MTMR6: variants seen among roughly 807,000 people sequenced by gnomAD.
MTMR6 encodes myotubularin related protein 6.
MTMR6 carries 47 observed loss-of-function variants against 80.1 expected under a neutral mutation model. The observed-to-expected ratio is 0.59, with a 90% CI of 0.46 to 0.75. MTMR6 has a LOEUF of 0.75. MTMR6 is among the 30% of genes least tolerant of loss of function. The pLI is 0.00. For missense variants in MTMR6, 629 were observed against 730.9 expected, an observed-to-expected ratio of 0.86 and a Z score of 1.61; for synonymous variants, 254 against 253.0, an observed-to-expected ratio of 1.00 and a Z score of -0.04.
intron 11 of MTMR6, among the ~76,000 whole-genome samples, chr13:25,252,383 C>T (rs930182636): frequency 1.1e-4 from 17 of 152,124 alleles, no homozygotes; most frequent in Non-Finnish European, 2.9e-5. Context: ...GCCGTAGTGG[C>T]GAGTATCATA....
Position 25,253,959 on chromosome 13 carries a change from C to G in MTMR6, c.1151G>C (p.Gly384Ala), listed in dbSNP as rs759133059. The G allele has an allele frequency of 1.5e-5, 25 of 1,614,046 alleles. No individual in the cohort carries two copies. Among genetic ancestry groups the G allele is most frequent in the Non-Finnish European group, 2.0e-5 (24 of 1,179,960 alleles). ...SFGHKFSERC[G>A]QLDGDPKEVS... is the part of the protein sequence containing the mutation. ...TTCCTTTGGGTCACCATCCAACTGG[C>G]CACACCTAACCCCACAGAAAGTATA... The change falls in exon 11 of 14, where the codon GGC becomes GCC. Residue 384 changes from glycine (G) to alanine (A), a missense_variant. Gly to Ala is a moderately conservative substitution (Grantham distance 60). Coordinates refer to ENST00000381801, the MANE Select transcript of MTMR6 (RefSeq NM_004685.5).
rs1392235881 is a variant in MTMR6, at chr13:25,257,864, T to C, written c.860-19A>G. The C allele has an allele frequency of 3.2e-6, 5 of 1,548,054 alleles. No homozygotes were observed. Among genetic ancestry groups the C allele is most frequent in the Non-Finnish European group, 3.6e-6 (4 of 1,124,856 alleles). On this transcript the variant is annotated intron_variant, in intron 7 of 13. Transcript: ENST00000381801. Reference sequence around the variant, plus strand: ...CCATTGACTGAAAGAGGTATAAAAATATTTCAATTAGAATATGGCTAGAGT... The same window carrying C: ...CCATTGACTGAAAGAGGTATAAAAACATTTCAATTAGAATATGGCTAGAGT...
chr13:25,251,421 TA>T lies in MTMR6; in HGVS notation c.1605+227del, dbSNP rs1414711984. On this transcript the variant is annotated intron_variant, in intron 13 of 13. Transcript: ENST00000381801. The surrounding 1 kb of genome is among the most constrained non-coding windows in gnomAD (Gnocchi z 4.1). ...AGCTGGTGGGTACACAGATAGTTAT[TA>T]TGTTTATCTATACGTTATGCTATAT... 6.6e-6 allele frequency among the ~76,000 whole-genome samples: 1 copy of T among 152,216 alleles called. No individual in the cohort carries two copies. The highest frequency in any genetic ancestry group is 1.5e-5 in the Non-Finnish European group (1 of 68,036).
At chr13:25,254,618 TA>T (rs977040909) in intron 9 of MTMR6, among the ~76,000 whole-genome samples, 184 bp from the exon 10 acceptor site, 1 of 152,160 alleles carries the variant, frequency 6.6e-6, no homozygotes, top group Non-Finnish European at 1.5e-5. Context: ...TAAAGAAGAA[TA>T]AAAATGCATA....
At chr13:25,282,655 G>A (rs568318415) in intron 1 of MTMR6, among the ~76,000 whole-genome samples, 1 of 149,604 alleles carries the variant, frequency 6.7e-6, no homozygotes, top group South Asian at 2.1e-4. Context: ...GACCCAGGCT[G>A]GATGCCGTGG....
At chr13:25,266,581 A>G (rs1957458597) in intron 3 of MTMR6, among the ~76,000 whole-genome samples, 1 of 152,254 alleles carries the variant, frequency 6.6e-6, no homozygotes, top group Admixed American at 6.5e-5. Context: ...GTAAAATGAT[A>G]AAGACACTAA....
intron 9 of MTMR6, 117 bp from the exon 10 acceptor site, chr13:25,254,551 A>G: frequency 2.8e-6 from 2 of 707,468 alleles, no homozygotes; most frequent in Non-Finnish European, 4.7e-6. Flanking sequence ...CTTATAAACA[A>G]AACAGCACAA....
intron 1 of MTMR6, among the ~76,000 whole-genome samples, chr13:25,276,771 T>C (rs1957737134): frequency 6.6e-6 from 1 of 152,226 alleles, no homozygotes; most frequent in African/African-American, 2.4e-5. Context: ...GTTCACACTG[T>C]CTGCTACACA....
At chr13:25,267,039 G>A (rs1265307283) in intron 3 of MTMR6, among the ~76,000 whole-genome samples, 1 of 152,090 alleles carries the variant, frequency 6.6e-6, no homozygotes, top group Non-Finnish European at 1.5e-5. Flanking sequence ...CACAAGGTCA[G>A]GAGTTCAAGA....
At chr13:25,273,259 T>C (rs1957623474) in intron 2 of MTMR6, among the ~76,000 whole-genome samples, 1 of 152,138 alleles carries the variant, frequency 6.6e-6, no homozygotes, top group Non-Finnish European at 1.5e-5. Flanking sequence ...TATGCACTTA[T>C]TCAAGACCCA....
At chr13:25,266,046 A>G in intron 4 of MTMR6, 83 bp downstream of exon 4, 3 of 1,592,536 alleles carry the variant, frequency 1.9e-6, no homozygotes, top group Non-Finnish European at 2.6e-6. Flanking sequence ...ACATTTCAGT[A>G]CACAGACAAC....
chr13:25,262,962 C>G (rs1957372927), intron 5 of MTMR6, among the ~76,000 whole-genome samples: 1 of 152,228 alleles, frequency 6.6e-6, no homozygotes, highest in Non-Finnish European at 1.5e-5. Flanking sequence ...CATTTAACCT[C>G]TCTGTGATTT....
chr13:25,265,769 CTGAAGA>C (rs757629743), intron 5 of MTMR6, 44 bp downstream of exon 5: 2 of 1,550,824 alleles, frequency 1.3e-6, no homozygotes, highest in South Asian at 2.4e-5. Flanking sequence ...ATACTTAAAC[CTGAAGA>C]TGAGTTATAC....
chr13:25,266,116 G>T lies in MTMR6; in HGVS notation c.462+13C>A. 6.2e-7 allele frequency: 1 copy of T among 1,612,086 alleles called. No individual in the cohort carries two copies. Among genetic ancestry groups the T allele is most frequent in the Non-Finnish European group, 8.5e-7 (1 of 1,179,108 alleles). On this transcript the variant is annotated intron_variant, in intron 4 of 13. Transcript: ENST00000381801. ...AACACTTTCTGAATTTCTCCAAAAT[G>T]TTGTTAAGGTACCTTGTAGTCCCGG...
chr13:25,272,115 A>T (rs916769714), intron 2 of MTMR6, among the ~76,000 whole-genome samples: 1 of 152,222 alleles, frequency 6.6e-6, no homozygotes, highest in African/African-American at 2.4e-5. Flanking sequence ...TCTATACGAA[A>T]ACATAAAAAT....
chr13:25,251,607 A>C lies in MTMR6; in HGVS notation c.1605+42T>G. 1 of 1,414,270 alleles carries C rather than the reference A, an allele frequency of 7.1e-7. No homozygotes were observed. The highest frequency in any genetic ancestry group is 1.2e-5 in the South Asian group (1 of 80,338). 87.6% of individuals were successfully genotyped at this position (1,414,270 alleles called of 1,614,324 possible). A position where few individuals can be genotyped will look rare whatever the true frequency, so the allele number is the denominator to read the frequency against. On this transcript the variant is annotated intron_variant, in intron 13 of 13. Transcript: ENST00000381801. The surrounding 1 kb of genome is among the most constrained non-coding windows in gnomAD (Gnocchi z 4.1). The stretch of plus-strand genomic sequence containing the variant: ...ACAAATATTAGTCTAATCGTAAACT[A>C]ATTTCACATTCCAAATATATTAGAT...
rs183568690 is a variant in MTMR6 at position 25,266,400 on chromosome 13, G to C, written c.305-114C>G. The C allele has an allele frequency of 2.6e-4, 219 of 858,704 alleles. 1 individual carries two copies. The African/African-American group carries it at 3.3e-3, about 13-fold the overall frequency. 53.2% of individuals were successfully genotyped at this position (858,704 alleles called of 1,614,324 possible). On this transcript the variant is annotated intron_variant, in intron 3 of 13. Coordinates refer to ENST00000381801, the MANE Select transcript of MTMR6 (RefSeq NM_004685.5). ...TTTTTCTCTTTACAATCTTCAAAGA[G>C]ATGGCTAATACCTGAATACATTTGA...
intron 2 of MTMR6, among the ~76,000 whole-genome samples, chr13:25,272,837 A>G (rs1256427499): frequency 6.6e-6 from 1 of 152,156 alleles, no homozygotes; most frequent in Non-Finnish European, 1.5e-5. Flanking sequence ...ATCCACTGCT[A>G]ATGGGCACCT....
rs1328876968 is a variant in MTMR6, at chr13:25,257,780, G to A, written c.925C>T (p.Arg309Cys). The A allele has an allele frequency of 1.4e-5, 23 of 1,613,754 alleles. No individual in the cohort carries two copies. Among genetic ancestry groups the A allele is most frequent in the Admixed American group, 1.0e-4 (6 of 59,974 alleles). Residue 309 changes from arginine (R) to cysteine (C), a missense_variant, in exon 8 of 14, where the codon CGC becomes TGC. Arg to Cys is a radical substitution (Grantham distance 180). Coordinates refer to ENST00000381801, the MANE Select transcript of MTMR6 (RefSeq NM_004685.5). ...GCATCCATAACAGCTTTGATATGGC[G>A]AAGCCATCCCGAGCTCTCCAAACCG... ...YSGLESSGWL[R>C]HIKAVMDAAI...
Sources: allele counts gnomAD v4.1 joint callset (sites outside exome capture counted in the v4.1 genomes callset), GRCh38; gene constraint gnomAD v4.1.1; non-coding constraint Gnocchi (gnomAD v3.1); transcripts MANE v1.5; gene names NCBI Gene and HGNC (gene_info 2026-07-23, HGNC 2026-07-21).